The following SERPINB13 variants were observed in gnomAD, a reference collection of about 807,000 sequenced individuals.
The protein encoded by SERPINB13 is serpin B13.
A neutral mutation model predicts 31.2 loss-of-function variants in SERPINB13; 26 were observed. The observed-to-expected ratio is 0.83, with a 90% CI of 0.61 to 1.15. SERPINB13 has a LOEUF of 1.15. Among genes scored for constraint, SERPINB13 ranks in the 50% most tolerant of loss-of-function variants. The pLI is 0.00. For missense variants in SERPINB13, 510 were observed against 469.4 expected, an observed-to-expected ratio of 1.09 and a Z score of -0.80; for synonymous variants, 191 against 172.4, an observed-to-expected ratio of 1.11 and a Z score of -0.85.
At chr18:63,591,895 C>T (rs1911876315) in intron 3 of SERPINB13, among the ~76,000 whole-genome samples, 1 of 151,890 alleles carries the variant, frequency 6.6e-6, no homozygotes, top group African/African-American at 2.4e-5. Context: ...TCACTTCAGC[C>T]CAATGTGTAG....
At chr18:63,591,638 T>C (rs543447625) in intron 3 of SERPINB13, among the ~76,000 whole-genome samples, 34 of 152,280 alleles carry the variant, frequency 2.2e-4, no homozygotes, top group Admixed American at 1.5e-3. Context: ...AAATGCATAT[T>C]ATATTTTAAG....
At chr18:63,590,425 C>T (rs1465839040) in intron 3 of SERPINB13, among the ~76,000 whole-genome samples, 1 of 152,160 alleles carries the variant, frequency 6.6e-6, no homozygotes, top group Non-Finnish European at 1.5e-5. Flanking sequence ...CTCATAAAAC[C>T]ATGGCTCAGA....
rs771859505 is a variant in SERPINB13, at chr18:63,594,506, C to T, written c.615+9C>T. 6.2e-7 allele frequency: 1 copy of T among 1,612,530 alleles called. No homozygotes were observed. The highest frequency in any genetic ancestry group is 1.1e-5 in the South Asian group (1 of 90,794). On this transcript the variant is annotated intron_variant, in intron 6 of 7. Transcript: ENST00000344731. ...AATTTTGGATGAATAAGGTATGGCC[C>T]TTAGTTTATTTTCGTGATGTGCTTA...
At chr18:63,593,032 A>C (rs1911950257) in intron 5 of SERPINB13, 61 bp downstream of exon 5, 1 of 1,106,652 alleles carries the variant, frequency 9.0e-7, no homozygotes, top group Non-Finnish European at 1.4e-6. Flanking sequence ...AACAAACAAA[A>C]AACACTTCTT....
chr18:63,594,526 T>G (rs1443737995), intron 6 of SERPINB13, 29 bp downstream of exon 6: 1 of 1,609,256 alleles, frequency 6.2e-7, no homozygotes. Flanking sequence ...TTTCGTGATG[T>G]GCTTACACAT....
chr18:63,592,768 T>G, intron 4 of SERPINB13, 86 bp from the exon 5 acceptor site: 3 of 892,814 alleles, frequency 3.4e-6, no homozygotes, highest in Non-Finnish European at 5.3e-6. Context: ...GTCATCCTAA[T>G]GTATACATAA....
rs530202895 is a variant in SERPINB13, at chr18:63,594,130, A to T, written c.473-225A>T. The T allele has an allele frequency of 2.0e-5, 29 of 1,443,946 alleles. No individual in the cohort carries two copies. The Admixed American group carries it at 2.1e-4, about 10-fold the overall frequency. The allele number at this position is 1,443,946 out of a possible 1,614,324, so 89.4% of individuals were successfully genotyped here. ...AGAGGCATCTGACCCCAGAGTCTGG[A>T]CTCTTAACCATGAACCTTAATTTAT... On this transcript the variant is annotated intron_variant, in intron 5 of 7. Transcript: ENST00000344731.
At chr18:63,589,008 T>G (rs2144387084) in intron 2 of SERPINB13, among the ~76,000 whole-genome samples, 176 bp downstream of exon 2, 1 of 152,254 alleles carries the variant, frequency 6.6e-6, no homozygotes, top group Non-Finnish European at 1.5e-5. Context: ...CTCTTCCTTT[T>G]CCAAATACCA....
In SERPINB13 at chr18:63,594,466, A is replaced by G. The variant is rs769534301; in HGVS notation, c.584A>G (p.Asn195Ser). Residue 195 changes from asparagine (N) to serine (S), a missense_variant, in exon 6 of 8, where the codon AAT becomes AGT. Coordinates refer to ENST00000344731, the MANE Select transcript of SERPINB13 (RefSeq NM_012397.4). ...GQWDREFKKE[N>S]TKEEKFWMNK... is the part of the protein sequence containing the mutation. ...TGGGACAGGGAGTTTAAGAAAGAAA[A>G]TACTAAGGAAGAGAAATTTTGGATG... 11 of 1,614,136 alleles carry G rather than the reference A, an allele frequency of 6.8e-6. No individual in the cohort carries two copies. In the East Asian group the frequency reaches 2.2e-4, roughly 33 times the overall value.
At chr18:63,593,974 C>T (rs750135101) in intron 5 of SERPINB13, 6 of 477,360 alleles carry the variant, frequency 1.3e-5, no homozygotes, top group Non-Finnish European at 2.1e-5. Flanking sequence ...TGTGTTAAAT[C>T]ATTTGTTCCT....
intron 6 of SERPINB13, 135 bp from the exon 7 acceptor site, chr18:63,594,894 T>C: frequency 1.2e-6 from 1 of 808,822 alleles, no homozygotes. Context: ...TGGTAGATAG[T>C]GGATGCTCAT....
At position 63,595,042 on chromosome 18, in the gene SERPINB13, C is replaced by G; in HGVS notation, c.629C>G (p.Ser210Cys). Residue 210 changes from serine to cysteine, a missense_variant, in exon 7 of 8, where the codon TCT (serine) becomes TGT (cysteine). By Grantham distance (112) the Ser-to-Cys change is moderately radical. Transcript: ENST00000344731. ...AATTTGTTGCAGAGCACAAGTAAAT[C>G]TGTACAGATGATGACACAGAGCCAT... ...KFWMNKSTSKSVQMMTQSHSF... is the reference protein window; with the variant it reads ...KFWMNKSTSKCVQMMTQSHSF... 6.2e-7 allele frequency: 1 copy of G among 1,611,624 alleles called. No homozygotes were observed. The highest frequency in any genetic ancestry group is 8.5e-7 in the Non-Finnish European group (1 of 1,179,182).
At chr18:63,589,743 G>A (rs776324342) in intron 3 of SERPINB13, 28 bp downstream of exon 3, 1 of 1,614,014 alleles carries the variant, frequency 6.2e-7, no homozygotes, top group South Asian at 1.1e-5. Context: ...AGGAAAAGAG[G>A]TGGGGAGATG....
chr18:63,588,049 C>T (rs951711591), intron 1 of SERPINB13, among the ~76,000 whole-genome samples: 2 of 152,154 alleles, frequency 1.3e-5, no homozygotes, highest in African/African-American at 4.8e-5. Flanking sequence ...AAAAATTCAG[C>T]CCAGAGTCAA....
rs1417807578 is a variant in SERPINB13, at chr18:63,598,647, C to G, written c.*1284C>G. 2 of 152,056 alleles carry G rather than the reference C, an allele frequency of 1.3e-5. No individual in the cohort carries two copies. The highest frequency in any genetic ancestry group is 2.4e-5 in the African/African-American group (1 of 41,396). The allele number at this position is 152,056 out of a possible 1,614,324, so 9.4% of individuals were successfully genotyped here. ...TGCATGGAAAAGACCTATTTTATTT[C>G]TAGGTTCACCAGTTGAGGGACATTT... On this transcript the variant is annotated 3_prime_UTR_variant, in exon 8 of 8. Transcript: ENST00000344731.
chr18:63,594,994 C>G, intron 6 of SERPINB13, 35 bp from the exon 7 acceptor site: 2 of 1,573,328 alleles, frequency 1.3e-6, no homozygotes, highest in Non-Finnish European at 1.7e-6. Flanking sequence ...GGTCTTATGT[C>G]CTTTGATATT....
At position 63,589,668 on chromosome 18, in the gene SERPINB13, G is replaced by GA; in HGVS notation, c.183dup (p.Glu62ArgfsTer10). 3 of 1,613,810 alleles carry GA rather than the reference G, an allele frequency of 1.9e-6. No individual in the cohort carries two copies. The highest frequency in any genetic ancestry group is 2.5e-6 in the Non-Finnish European group (3 of 1,179,852). On this transcript the variant is annotated frameshift_variant, in exon 3 of 8. Coordinates refer to ENST00000344731, the MANE Select transcript of SERPINB13 (RefSeq NM_012397.4). LOFTEE classifies it high-confidence loss of function. Reference sequence around the variant, plus strand: ...CTATCTCTTCCAGGTGTTTCACTCTGAAAAAGAGACGAAGAGCTCAAGAAT... The same window carrying GA: ...CTATCTCTTCCAGGTGTTTCACTCTGAAAAAAGAGACGAAGAGCTCAAGAAT...
chr18:63,597,009 G>A lies in SERPINB13; in HGVS notation c.822G>A (p.Gly274=). ...PEKLVEWTSP[G]HMEERKVNLH... is the part of the protein sequence containing the mutation. Reference sequence around the variant, plus strand: ...AATTGGTAGAGTGGACTAGTCCAGGGCATATGGAAGAAAGAAAGGTGAATC... The same window carrying A: ...AATTGGTAGAGTGGACTAGTCCAGGACATATGGAAGAAAGAAAGGTGAATC... Residue 274 remains glycine (G), a synonymous_variant, in exon 8 of 8, where the codon GGG becomes GGA. Transcript: ENST00000344731. The A allele has an allele frequency of 1.2e-6, 2 of 1,614,112 alleles. No individual in the cohort carries two copies. Among genetic ancestry groups the A allele is most frequent in the Non-Finnish European group, 1.7e-6 (2 of 1,179,988 alleles).
intron 1 of SERPINB13, among the ~76,000 whole-genome samples, chr18:63,588,298 G>A (rs965021827): frequency 1.2e-4 from 18 of 152,214 alleles, no homozygotes; most frequent in African/African-American, 3.9e-4. Context: ...CCTGGACAAG[G>A]GCTGGGTCTA....
Sources: allele counts gnomAD v4.1 joint callset (sites outside exome capture counted in the v4.1 genomes callset), GRCh38; gene constraint gnomAD v4.1.1; transcripts MANE v1.5; gene names NCBI Gene and HGNC (gene_info 2026-07-23, HGNC 2026-07-21).